The following FYB2 variants were observed in gnomAD, a reference collection of about 807,000 sequenced individuals.
FYB2 encodes FYN-binding protein 2.
In FYB2, 103 loss-of-function variants were observed where a neutral mutation model predicts 94.1. The observed-to-expected ratio is 1.09, with a 90% CI of 0.93 to 1.29. The LOEUF is 1.29. FYB2 is among the 50% of genes most tolerant of loss of function. The pLI is 0.00. For missense variants in FYB2, 896 were observed against 841.5 expected, an observed-to-expected ratio of 1.06 and a Z score of -0.80; for synonymous variants, 293 against 287.9, an observed-to-expected ratio of 1.02 and a Z score of -0.18.
At chr1:56,744,956 G>C (rs1645035800) in intron 9 of FYB2, among the ~76,000 whole-genome samples, 1 of 151,958 alleles carries the variant, frequency 6.6e-6, no homozygotes, top group African/African-American at 2.4e-5. Flanking sequence ...TAATATACTT[G>C]AGAAATAAAC....
intron 15 of FYB2, among the ~76,000 whole-genome samples, chr1:56,729,931 C>A (rs986624166): frequency 5.3e-5 from 8 of 151,932 alleles, no homozygotes; most frequent in African/African-American, 1.9e-4. Context: ...TCCTGAACAA[C>A]CAATGGGTGA....
intron 4 of FYB2, among the ~76,000 whole-genome samples, chr1:56,778,924 A>G (rs1230242264): frequency 6.6e-6 from 1 of 152,190 alleles, no homozygotes; most frequent in Non-Finnish European, 1.5e-5. Context: ...TTCAATAATT[A>G]TTGAATGAAT....
At chr1:56,823,822 T>A (rs765016312), upstream of FYB2, 3 of 152,246 alleles carry the variant, frequency 2.0e-5, no homozygotes, top group Non-Finnish European at 4.4e-5. Flanking sequence ...TATGTATGCA[T>A]CACTCAGATG....
chr1:56,770,409 C>T (rs375046327), intron 4 of FYB2, among the ~76,000 whole-genome samples: 10 of 152,044 alleles, frequency 6.6e-5, no homozygotes, highest in Admixed American at 4.6e-4. Flanking sequence ...GGAAAAGCTA[C>T]GCTACTCGTT....
At chr1:56,733,315 C>G (rs1213339773) in intron 15 of FYB2, among the ~76,000 whole-genome samples, 1 of 151,970 alleles carries the variant, frequency 6.6e-6, no homozygotes, top group Non-Finnish European at 1.5e-5. Flanking sequence ...TTTGATTCTT[C>G]TCTATTTTCT....
intron 4 of FYB2, among the ~76,000 whole-genome samples, chr1:56,771,690 G>A (rs963408572): frequency 5.3e-5 from 8 of 152,172 alleles, no homozygotes; most frequent in Non-Finnish European, 1.2e-4. Context: ...CACAGCACAT[G>A]TGGATAGTAT....
chr1:56,732,469 A>G (rs1644732771), intron 15 of FYB2, among the ~76,000 whole-genome samples: 2 of 152,290 alleles, frequency 1.3e-5, no homozygotes, highest in African/African-American at 2.4e-5. Flanking sequence ...TCACAGAAAT[A>G]GAAAACACAA....
At chr1:56,794,391 G>A (rs1023863041) in intron 1 of FYB2, among the ~76,000 whole-genome samples, 2 of 152,152 alleles carry the variant, frequency 1.3e-5, no homozygotes, top group African/African-American at 4.8e-5. Context: ...GTCTAATGGA[G>A]CCATTGCAAA....
At chr1:56,813,528 G>T (rs1419374893) in intron 1 of FYB2, among the ~76,000 whole-genome samples, 2 of 152,150 alleles carry the variant, frequency 1.3e-5, no homozygotes, top group Non-Finnish European at 2.9e-5. Context: ...GGGAGCTACA[G>T]TTCAAGATGA....
chr1:56,721,111 G>A (rs548238544), intron 17 of FYB2, among the ~76,000 whole-genome samples: 8 of 152,108 alleles, frequency 5.3e-5, no homozygotes, highest in African/African-American at 1.4e-4. Context: ...CAGGCATTTT[G>A]TTAGAAACTC....
chr1:56,720,274 C>A lies in FYB2; in HGVS notation c.2030G>T (p.Arg677Ile), dbSNP rs368256067. The A allele has an allele frequency of 3.7e-6, 6 of 1,611,762 alleles. No individual in the cohort carries two copies. The African/African-American group carries it at 6.7e-5, about 18-fold the overall frequency. Residue 677 changes from arginine (R) to isoleucine (I), a missense_variant, in exon 18 of 20, where the codon AGA becomes ATA. Transcript: ENST00000343433. ...NTAVACSNNS[R>I]NGIFDLPISP... ...TATTGGCAAATCAAATATTCCATTT[C>A]TTGAATTATTGGAACAGGCCACTGC...
chr1:56,781,569 G>C (rs767971640), intron 4 of FYB2, among the ~76,000 whole-genome samples: 2 of 152,170 alleles, frequency 1.3e-5, no homozygotes, highest in African/African-American at 4.8e-5. Context: ...TAAACACTGA[G>C]TGTGTGTTGC....
intron 5 of FYB2, among the ~76,000 whole-genome samples, chr1:56,760,035 C>T (rs12405047): frequency 0.17 from 25,918 of 148,744 alleles, 2,766 homozygotes; most frequent in East Asian, 0.42. Context: ...GCCGAGATCG[C>T]GCTACTGTAT....
At position 56,736,817 on chromosome 1, in the gene FYB2, A is replaced by T. The variant is rs535390677; in HGVS notation, c.1793+270T>A. Among the ~76,000 whole-genome samples the T allele has an allele frequency of 9.9e-5, 15 of 152,250 alleles. No homozygotes were observed. In the South Asian group the frequency reaches 1.7e-3, roughly 17 times the overall value. On this transcript the variant is annotated intron_variant, in intron 15 of 19. Transcript: ENST00000343433. ...TTGTCATGTACATTGGAGATAATTT[A>T]AAAAATGTGTTGAAATGAGTTTCAA...
chr1:56,809,241 G>C (rs982076593), intron 1 of FYB2, among the ~76,000 whole-genome samples: 3 of 152,236 alleles, frequency 2.0e-5, no homozygotes, highest in African/African-American at 7.2e-5. Context: ...TCAATTACTA[G>C]TTCAGTGCCA....
At chr1:56,732,321 A>G (rs1211366739) in intron 15 of FYB2, among the ~76,000 whole-genome samples, 3 of 152,224 alleles carry the variant, frequency 2.0e-5, no homozygotes, top group Non-Finnish European at 4.4e-5. Flanking sequence ...CTGATGAAAT[A>G]AATTGTAGAT....
In FYB2 at chr1:56,756,993, T is replaced by C. The variant is rs539427881; in HGVS notation, c.1099-1066A>G. Among the ~76,000 whole-genome samples, 27 of 152,262 alleles carry C rather than the reference T, an allele frequency of 1.8e-4. No homozygotes were observed. In the South Asian group the frequency reaches 5.0e-3, roughly 28 times the overall value. On this transcript the variant is annotated intron_variant, in intron 6 of 19. Coordinates refer to ENST00000343433, the MANE Select transcript of FYB2 (RefSeq NM_001004303.5). ...TCTCAAAAGAAGAGCATAAACTATG[T>C]TGACTCAGTCCCTTATAGTCAAGAA...
intron 6 of FYB2, among the ~76,000 whole-genome samples, chr1:56,758,042 G>A (rs1405724952): frequency 1.3e-5 from 2 of 151,406 alleles, no homozygotes; most frequent in Non-Finnish European, 2.9e-5. Context: ...GCCTCCCAAA[G>A]TGCTAGGCTT....
chr1:56,748,154 T>C (rs1181018270), intron 9 of FYB2, among the ~76,000 whole-genome samples: 2 of 152,184 alleles, frequency 1.3e-5, no homozygotes, highest in Non-Finnish European at 2.9e-5. Flanking sequence ...TAGACCTTTG[T>C]CAGATGGATA....
Sources: gnomAD v4.1 joint callset for allele counts (sites outside exome capture counted in the v4.1 genomes callset) on GRCh38, gnomAD v4.1.1 for gene constraint, MANE v1.5 for transcripts, NCBI Gene and HGNC (gene_info 2026-07-23, HGNC 2026-07-21) for gene names.